The following VSTM2B variants were observed in gnomAD, a reference collection of about 807,000 sequenced individuals.
VSTM2B encodes V-set and transmembrane domain-containing protein 2B.
In VSTM2B, 24 loss-of-function variants were observed where a neutral mutation model predicts 24.0. That is an observed-to-expected ratio of 1.00 (90% confidence interval 0.72 to 1.40). The LOEUF is 1.40. VSTM2B is among the 40% of genes most tolerant of loss of function. The pLI is 0.00. For missense variants in VSTM2B, 399 were observed against 416.4 expected, an observed-to-expected ratio of 0.96 and a Z score of 0.36; for synonymous variants, 226 against 194.4, an observed-to-expected ratio of 1.16 and a Z score of -1.35.
chr19:29,556,591 A>ACTGTGT (rs111694092), intron 4 of VSTM2B, among the ~76,000 whole-genome samples: 13,485 of 152,074 alleles, frequency 0.089, 1,240 homozygotes, highest in African/African-American at 0.24. Context: ...AGGAAGTTGA[A>ACTGTGT]CTGTTTGCAG....
chr19:29,549,794 G>GTACACTGGC (rs1235744933), intron 4 of VSTM2B, among the ~76,000 whole-genome samples: 9 of 152,148 alleles, frequency 5.9e-5, no homozygotes, highest in African/African-American at 2.2e-4. Flanking sequence ...GAAATTCCTT[G>GTACACTGGC]TACACTGGCC....
rs1417163134 is a variant in VSTM2B at position 29,546,784 on chromosome 19, T to C, written c.769+16494T>C. On this transcript the variant is annotated intron_variant, in intron 4 of 4. Coordinates refer to ENST00000335523, the MANE Select transcript of VSTM2B (RefSeq NM_001146339.2). ...TTGCCATTCACATTAAGTGACATCA[T>C]TAAAGGGCCATTGGGGGCAAGATGT... 2.6e-5 allele frequency among the ~76,000 whole-genome samples: 4 copies of C among 152,032 alleles called. No homozygotes were observed. The East Asian group carries it at 5.8e-4, about 22-fold the overall frequency.
intron 4 of VSTM2B, among the ~76,000 whole-genome samples, chr19:29,531,629 C>T (rs1969760700): frequency 2.0e-5 from 3 of 152,316 alleles, no homozygotes; most frequent in South Asian, 2.1e-4. Flanking sequence ...TGGCTTGATC[C>T]GAAGGCCTCA....
At chr19:29,528,814 C>A in intron 3 of VSTM2B, 1 of 781,938 alleles carries the variant, frequency 1.3e-6, no homozygotes, top group Non-Finnish European at 1.6e-6. Flanking sequence ...CGCGGCTGCT[C>A]GCCCTCGCCG....
intron 4 of VSTM2B, among the ~76,000 whole-genome samples, chr19:29,539,207 C>T (rs560903322): frequency 1.1e-3 from 163 of 152,252 alleles, no homozygotes; most frequent in African/African-American, 3.8e-3. Flanking sequence ...CCAGGTTTGC[C>T]CACGTGCCGA....
At chr19:29,538,784 T>G (rs1342813482) in intron 4 of VSTM2B, among the ~76,000 whole-genome samples, 1 of 152,044 alleles carries the variant, frequency 6.6e-6, no homozygotes, top group Non-Finnish European at 1.5e-5. Context: ...AGCTGTCATG[T>G]GAAGTAACAG....
chr19:29,537,749 A>ACC (rs1969925436), intron 4 of VSTM2B, among the ~76,000 whole-genome samples: 1 of 132,884 alleles, frequency 7.5e-6, no homozygotes, highest in African/African-American at 3.1e-5. Context: ...GCACCCACCT[A>ACC]CTCTCCCGCA....
At chr19:29,528,854 T>G in intron 3 of VSTM2B, 1 of 954,026 alleles carries the variant, frequency 1.0e-6, no homozygotes, top group Non-Finnish European at 1.2e-6. Flanking sequence ...CCGCCCCCTC[T>G]GCCCCGCCCT....
At chr19:29,534,725 AAAAAG>A (rs938469785) in intron 4 of VSTM2B, among the ~76,000 whole-genome samples, 27 of 146,028 alleles carry the variant, frequency 1.8e-4, no homozygotes, top group African/African-American at 6.7e-4. Context: ...TCAAAAAAAA[AAAAAG>A]AAAGAAAGAA....
chr19:29,558,289 G>A (rs1266280294), intron 4 of VSTM2B, among the ~76,000 whole-genome samples: 6 of 152,102 alleles, frequency 3.9e-5, no homozygotes, highest in African/African-American at 1.4e-4. Flanking sequence ...AACCATTTTG[G>A]GAAACAGTGT....
intron 4 of VSTM2B, among the ~76,000 whole-genome samples, chr19:29,550,188 C>G (rs377661626): frequency 1.3e-5 from 2 of 152,356 alleles, no homozygotes; most frequent in Admixed American, 1.3e-4. Flanking sequence ...AATCCCAACA[C>G]TTTGGGAGGC....
At chr19:29,528,575 G>T in intron 3 of VSTM2B, 113 bp downstream of exon 3, 1 of 1,333,480 alleles carries the variant, frequency 7.5e-7, no homozygotes, top group Non-Finnish European at 1.0e-6. Context: ...CGCGCAAGTA[G>T]GGCAGCGATC....
chr19:29,533,220 C>A (rs1190381963), intron 4 of VSTM2B, among the ~76,000 whole-genome samples: 1 of 152,244 alleles, frequency 6.6e-6, no homozygotes, highest in South Asian at 2.1e-4. Flanking sequence ...TGGGCACCCA[C>A]CAGCCACGGG....
At position 29,530,111 on chromosome 19, in the gene VSTM2B, G is replaced by T; in HGVS notation, c.590G>T (p.Arg197Leu). 3.5e-6 allele frequency: 5 copies of T among 1,445,472 alleles called. No homozygotes were observed. The South Asian group carries it at 6.9e-5, about 20-fold the overall frequency. The allele number at this position is 1,445,472 out of a possible 1,614,324, so 89.5% of individuals were successfully genotyped here. ...AGCCGTACCACCTCCGAGCCCGGCC[G>T]CGGCGACAAGAGCCCGCCGCCCGGG... Reference protein sequence around the residue: ...AASRTTSEPGRGDKSPPPGSP... With the variant: ...AASRTTSEPGLGDKSPPPGSP... Residue 197 changes from arginine to leucine, a missense_variant, in exon 4 of 5, where the codon CGC (arginine) becomes CTC (leucine). Physicochemically the swap from Arg to Leu is moderately radical, Grantham distance 102. Transcript: ENST00000335523.
chr19:29,532,748 C>G (rs1270577645), intron 4 of VSTM2B, among the ~76,000 whole-genome samples: 1 of 152,190 alleles, frequency 6.6e-6, no homozygotes, highest in Non-Finnish European at 1.5e-5. Flanking sequence ...TGGTCATTAG[C>G]TGCACTAGCT....
chr19:29,527,413 C>T lies in VSTM2B; in HGVS notation c.267+18C>T, dbSNP rs774198423. ...GGAGCAAGGTAACCCGCCGCCCACG[C>T]GGTACCGGCGCGCGCCCGGCTCGCG... On this transcript the variant is annotated intron_variant, in intron 2 of 4. Transcript: ENST00000335523. The T allele has an allele frequency of 4.8e-6, 7 of 1,465,174 alleles. No individual in the cohort carries two copies. In the African/African-American group the frequency reaches 1.0e-4, roughly 22 times the overall value. 90.8% of individuals were successfully genotyped at this position (1,465,174 alleles called of 1,614,324 possible). A position where few individuals can be genotyped will look rare whatever the true frequency, so the allele number is the denominator to read the frequency against.
At chr19:29,563,170 T>C (rs1024990232) in intron 4 of VSTM2B, among the ~76,000 whole-genome samples, 6 of 151,704 alleles carry the variant, frequency 4.0e-5, no homozygotes, top group Non-Finnish European at 8.8e-5. Flanking sequence ...GTAGCCTTCA[T>C]GGAGGAAGAG....
chr19:29,541,018 A>T (rs1440000166), intron 4 of VSTM2B, among the ~76,000 whole-genome samples: 2 of 152,220 alleles, frequency 1.3e-5, no homozygotes, highest in Non-Finnish European at 2.9e-5. Flanking sequence ...GTCCTGCGGC[A>T]AGAGGGATCT....
chr19:29,532,464 TG>T (rs1157473636), intron 4 of VSTM2B, among the ~76,000 whole-genome samples: 1 of 152,218 alleles, frequency 6.6e-6, no homozygotes, highest in Non-Finnish European at 1.5e-5. Flanking sequence ...TGATGCTTGT[TG>T]GTGAAGAGAA....
Sources: gnomAD v4.1 joint callset for allele counts (sites outside exome capture counted in the v4.1 genomes callset) on GRCh38, gnomAD v4.1.1 for gene constraint, MANE v1.5 for transcripts, NCBI Gene and HGNC (gene_info 2026-07-23, HGNC 2026-07-21) for gene names.